Variants in C9orf152 observed in about 807,000 individuals in gnomAD.
C9orf152 encodes uncharacterized protein C9orf152.
Under a neutral mutation model 8.5 loss-of-function variants are expected in C9orf152, and 8 were observed. The observed-to-expected ratio is 0.94, with a 90% confidence interval of 0.55 to 1.70. The LOEUF (loss-of-function observed/expected upper bound fraction) is 1.70. Ranked by LOEUF, C9orf152 falls within the 40% of genes most tolerant of loss-of-function variation. The pLI, the probability that C9orf152 is intolerant of heterozygous loss-of-function variation, is 0.00. For synonymous variants in C9orf152, 109 were observed against 113.0 expected (o/e 0.96, Z 0.22); for missense variants, 293 against 286.2 (o/e 1.02, Z -0.17).
rs529909995 is a variant in C9orf152 at position 110,200,951 on chromosome 9, C to T, written c.717G>A (p.Ala239=). 7.1e-5 allele frequency: 114 copies of T among 1,602,666 alleles called. 1 individual carries two copies. The South Asian group carries it at 7.9e-4, about 11-fold the overall frequency. Reference sequence around the variant, plus strand: ...ACATCTGGCAGAATAGAAAGCTTCACGCTGAGCCATATAAGCCCAGGTTCC... The same window carrying T: ...ACATCTGGCAGAATAGAAAGCTTCATGCTGAGCCATATAAGCCCAGGTTCC... ...AARNLGLYGS[A] The change falls in exon 2 of 2, where the codon GCG becomes GCA. Residue 239 remains alanine, a synonymous_variant. Transcript: ENST00000400613.
rs1395060919 is a variant in C9orf152, at chr9:110,200,899, A to G, written c.*49T>C. 2 of 1,519,120 alleles carry G rather than the reference A, an allele frequency of 1.3e-6. No homozygotes were observed. Among genetic ancestry groups the G allele is most frequent in the Non-Finnish European group, 8.8e-7 (1 of 1,132,468 alleles). The allele number at this position is 1,519,120 out of a possible 1,614,324, so 94.1% of individuals were successfully genotyped here. On this transcript the variant is annotated 3_prime_UTR_variant, in exon 2 of 2. Coordinates refer to ENST00000400613, the MANE Select transcript of C9orf152 (RefSeq NM_001012993.3). ...GGCTCTGCCTCCTTGGTTCTTCTAT[A>G]AGGCCATAGGTGGCCTCAAGGTCAA...
rs75644967 is a variant in C9orf152, at chr9:110,200,853, C to T, written c.*95G>A. The T allele has an allele frequency of 1.1e-3, 1,339 of 1,247,812 alleles. 14 individuals carry two copies. The African/African-American group carries it at 0.017, about 16-fold the overall frequency. The allele number at this position is 1,247,812 out of a possible 1,614,324, so 77.3% of individuals were successfully genotyped here. On this transcript the variant is annotated 3_prime_UTR_variant, in exon 2 of 2. Transcript: ENST00000400613. The stretch of plus-strand genomic sequence containing the variant: ...TAATTAGGTTAGTCCAGTTCTTGCT[C>T]ATAGCTAGAGACCTCGTTGTGGCTC...
Position 110,207,404 on chromosome 9 carries a change from AGGT to A in C9orf152, c.173_175del (p.His58del). On this transcript the variant is annotated inframe_deletion, in exon 1 of 2. Transcript: ENST00000400613. ...ATTCCTACCTTTTGGAAGCACCAGG[AGGT>A]GGGCCTGGGTCCTCTGCTGCCTCTT... 6.2e-7 allele frequency: 1 copy of A among 1,612,394 alleles called. No individual in the cohort carries two copies. Among genetic ancestry groups the A allele is most frequent in the Non-Finnish European group, 8.5e-7 (1 of 1,179,166 alleles).
intron 1 of C9orf152, among the ~76,000 whole-genome samples, chr9:110,202,585 T>C (rs1837235388): frequency 6.6e-6 from 1 of 152,130 alleles, no homozygotes; most frequent in Non-Finnish European, 1.5e-5. Flanking sequence ...TTTTCTTTCT[T>C]GGGGACTTTT....
Position 110,201,357 on chromosome 9 carries a change from T to A in C9orf152, c.311A>T (p.Glu104Val). The change falls in exon 2 of 2, where the codon GAG becomes GTG. Residue 104 changes from glutamate (E) to valine (V), a missense_variant. Coordinates refer to ENST00000400613, the MANE Select transcript of C9orf152 (RefSeq NM_001012993.3). ...ADSEVEGRLE[E>V]AAQGCLQAPK... Reference sequence around the variant, plus strand: ...GGCCTGAAGGCAGCCCTGGGCAGCCTCCTCCAGCCTCCCCTCCACCTCAGA... The same window carrying A: ...GGCCTGAAGGCAGCCCTGGGCAGCCACCTCCAGCCTCCCCTCCACCTCAGA... 1 of 1,605,862 alleles carries A rather than the reference T, an allele frequency of 6.2e-7. No homozygotes were observed. The highest frequency in any genetic ancestry group is 8.5e-7 in the Non-Finnish European group (1 of 1,176,162).
rs1214879561 is a variant in C9orf152 at position 110,207,868 on chromosome 9, A to C, written c.-289T>G. The C allele has an allele frequency of 7.9e-6, 3 of 377,814 alleles. No homozygotes were observed. Among genetic ancestry groups the C allele is most frequent in the Middle Eastern group, 6.7e-4 (1 of 1,484 alleles). The allele number at this position is 377,814 out of a possible 1,614,324, so 23.4% of individuals were successfully genotyped here. ...GGGGCAGCGAAGGGGGAAAGACTGG[A>C]GGAAGGAGGTGATAGTGACAAGCGG... On this transcript the variant is annotated 5_prime_UTR_variant, in exon 1 of 2. Coordinates refer to ENST00000400613, the MANE Select transcript of C9orf152 (RefSeq NM_001012993.3).
chr9:110,206,630 G>C (rs1837276670), intron 1 of C9orf152, among the ~76,000 whole-genome samples: 1 of 152,204 alleles, frequency 6.6e-6, no homozygotes, highest in South Asian at 2.1e-4. Flanking sequence ...AGGTCCCTCT[G>C]GCCCCTGATT....
In C9orf152 at chr9:110,206,095, G is replaced by A. The variant is rs1279145448; in HGVS notation, c.193+1292C>T. 6.6e-5 allele frequency among the ~76,000 whole-genome samples: 10 copies of A among 151,248 alleles called. No homozygotes were observed. In the East Asian group the frequency reaches 1.8e-3, roughly 27 times the overall value. On this transcript the variant is annotated intron_variant, in intron 1 of 1. Transcript: ENST00000400613. ...AATGTGGAACTGCAAACTGCTGAAAGTGCCCTGAATGACCCTGACCTAGCT... is the reference window on the plus strand; with the variant it reads ...AATGTGGAACTGCAAACTGCTGAAAATGCCCTGAATGACCCTGACCTAGCT...
intron 1 of C9orf152, among the ~76,000 whole-genome samples, chr9:110,205,267 C>G (rs139038723): frequency 1.4e-4 from 21 of 150,380 alleles, no homozygotes; most frequent in East Asian, 3.9e-4. Context: ...CTACAAAAAG[C>G]CTTTTTCTCC....
rs1379645164 is a variant in C9orf152, at chr9:110,201,103, C to A, written c.565G>T (p.Ala189Ser). 4 of 1,614,082 alleles carry A rather than the reference C, an allele frequency of 2.5e-6. No homozygotes were observed. Among genetic ancestry groups the A allele is most frequent in the Non-Finnish European group, 3.4e-6 (4 of 1,180,058 alleles). ...PCQVGNTQTK[A>S]VESGLKFSTQ... ...CTGAATTTTAAGCCAGATTCCACTG[C>A]CTTTGTTTGGGTATTGCCCACCTGG... is the stretch of plus-strand genomic sequence containing the variant. Residue 189 changes from alanine to serine, a missense_variant, in exon 2 of 2, where the codon GCA becomes TCA. By Grantham distance (99) the Ala-to-Ser change is moderately conservative (BLOSUM62 1). Coordinates refer to ENST00000400613, the MANE Select transcript of C9orf152 (RefSeq NM_001012993.3).
In C9orf152 at chr9:110,201,051, T is replaced by C; in HGVS notation, c.617A>G (p.Asn206Ser). 6.2e-7 allele frequency: 1 copy of C among 1,614,220 alleles called. No homozygotes were observed. Among genetic ancestry groups the C allele is most frequent in the Non-Finnish European group, 8.5e-7 (1 of 1,180,038 alleles). The change falls in exon 2 of 2, where the codon AAC becomes AGC. Residue 206 changes from asparagine to serine, a missense_variant. Coordinates refer to ENST00000400613, the MANE Select transcript of C9orf152 (RefSeq NM_001012993.3). ...FSTQCPLSIK[N>S]PHRSGKPAYY... is the part of the protein sequence containing the mutation. ...AGCTGGTTTGCCAGACCTGTGTGGG[T>C]TCTTTATGGAAAGAGGACATTGAGT...
At chr9:110,202,923 AC>A (rs777301301) in intron 1 of C9orf152, among the ~76,000 whole-genome samples, 1 of 151,894 alleles carries the variant, frequency 6.6e-6, no homozygotes, top group Admixed American at 6.6e-5. Flanking sequence ...TCCTGTCAAC[AC>A]TAACTCTAGT....
rs747699083 is a variant in C9orf152 at position 110,200,735 on chromosome 9, C to T, written c.*213G>A. On this transcript the variant is annotated 3_prime_UTR_variant, in exon 2 of 2. Coordinates refer to ENST00000400613, the MANE Select transcript of C9orf152 (RefSeq NM_001012993.3). ...GCACTGACCAGACAGTCCTCTTCAT[C>T]CTAAACTGTGGGCAATTTGGCCTGG... 33 of 561,412 alleles carry T rather than the reference C, an allele frequency of 5.9e-5. No individual in the cohort carries two copies. The highest frequency in any genetic ancestry group is 8.7e-5 in the Non-Finnish European group (28 of 320,874). 34.8% of individuals were successfully genotyped at this position (561,412 alleles called of 1,614,324 possible).
intron 1 of C9orf152, among the ~76,000 whole-genome samples, chr9:110,202,662 A>G (rs1441328413): frequency 1.3e-5 from 2 of 152,060 alleles, no homozygotes; most frequent in African/African-American, 2.4e-5. Flanking sequence ...AGGTATTGGA[A>G]TGACTGAAAG....
rs778370472 is a variant in C9orf152 at position 110,207,609 on chromosome 9, G to A, written c.-30C>T. 1 of 1,538,528 alleles carries A rather than the reference G, an allele frequency of 6.5e-7. No individual in the cohort carries two copies. ...ATCCGGGAGAAAAGCAAACACAGCTGGGTGGGGCAGGACCTGGGGAGGGGA... is the reference window on the plus strand; with the variant it reads ...ATCCGGGAGAAAAGCAAACACAGCTAGGTGGGGCAGGACCTGGGGAGGGGA... On this transcript the variant is annotated 5_prime_UTR_variant, in exon 1 of 2. Coordinates refer to ENST00000400613, the MANE Select transcript of C9orf152 (RefSeq NM_001012993.3).
Position 110,200,225 on chromosome 9 carries a change from AAG to A in C9orf152, c.*721_*722del, listed in dbSNP as rs1837197910. 1.3e-5 allele frequency: 2 copies of A among 151,320 alleles called. No homozygotes were observed. The highest frequency in any genetic ancestry group is 2.1e-4 in the South Asian group (1 of 4,744). The allele number at this position is 151,320 out of a possible 1,614,324, so 9.4% of individuals were successfully genotyped here. On this transcript the variant is annotated 3_prime_UTR_variant, in exon 2 of 2. Coordinates refer to ENST00000400613, the MANE Select transcript of C9orf152 (RefSeq NM_001012993.3). ...GAGGGAGAGACAGAAGGAAGGAAGG[AAG>A]GAAGGAAGGAAGGAAGGAAGGAGAT... is the stretch of plus-strand genomic sequence containing the variant.
In C9orf152 at chr9:110,203,456, C is replaced by A. The variant is rs546045160; in HGVS notation, c.194-1982G>T. On this transcript the variant is annotated intron_variant, in intron 1 of 1. Coordinates refer to ENST00000400613, the MANE Select transcript of C9orf152 (RefSeq NM_001012993.3). ...AAGGAAAGGACTGAAGGTGGACAGGCCTGTTCAGCTGTCAGTCCCAGCCTG... is the reference window on the plus strand; with the variant it reads ...AAGGAAAGGACTGAAGGTGGACAGGACTGTTCAGCTGTCAGTCCCAGCCTG... Among the ~76,000 whole-genome samples the A allele has an allele frequency of 3.3e-5, 5 of 152,234 alleles. No homozygotes were observed. In the East Asian group the frequency reaches 7.7e-4, roughly 24 times the overall value.
chr9:110,200,113 G>A lies in C9orf152; in HGVS notation c.*835C>T, dbSNP rs1837193882. ...AGAACTTAATTTGCAGAGAGAGAGA[G>A]AGAGAAAAGATAGGCAGGAAGGCAG... is the stretch of plus-strand genomic sequence containing the variant. On this transcript the variant is annotated 3_prime_UTR_variant, in exon 2 of 2. Coordinates refer to ENST00000400613, the MANE Select transcript of C9orf152 (RefSeq NM_001012993.3). 1 of 145,772 alleles carries A rather than the reference G, an allele frequency of 6.9e-6. No individual in the cohort carries two copies. The highest frequency in any genetic ancestry group is 7.2e-5 in the Admixed American group (1 of 13,908). 9.0% of individuals were successfully genotyped at this position (145,772 alleles called of 1,614,324 possible).
At chr9:110,203,178 C>T (rs372141838) in intron 1 of C9orf152, among the ~76,000 whole-genome samples, 19 of 152,062 alleles carry the variant, frequency 1.2e-4, no homozygotes, top group South Asian at 4.2e-4. Context: ...CCAGCCACCA[C>T]GCCCAGCTAC....
Sources: allele counts gnomAD v4.1 joint callset (sites outside exome capture counted in the v4.1 genomes callset), GRCh38; gene constraint gnomAD v4.1.1; transcripts MANE v1.5; gene names NCBI Gene and HGNC (gene_info 2026-07-23, HGNC 2026-07-21).